Variants in NHSL2 observed in about 807,000 individuals in gnomAD.
The protein encoded by NHSL2 is NHS like 2, also known as NHS-like protein 2.
NHSL2 carries 27 observed loss-of-function variants against 53.4 expected under a neutral mutation model. The observed-to-expected ratio is 0.51, with a 90% CI of 0.37 to 0.70. The LOEUF (loss-of-function observed/expected upper bound fraction) is 0.70, where lower values mean the gene tolerates loss of function less well. Ranked by LOEUF, NHSL2 falls within the 30% of genes least tolerant of loss-of-function variation. The pLI, the probability that NHSL2 is intolerant of heterozygous loss-of-function variation, is 0.00. For missense variants in NHSL2, 892 were observed against 980.1 expected (o/e 0.91, Z 1.20); for synonymous variants, 408 against 404.1 (o/e 1.01, Z -0.12).
chrX:72,129,869 CCT>C (rs772050607), intron 1 of NHSL2: 68 of 1,201,243 alleles, frequency 5.7e-5, no homozygotes, highest in Admixed American at 1.6e-4. Flanking sequence ...CGGTGGCCCC[CCT>C]GTCTCGGAGT....
At chrX:72,063,052 C>T (rs9887033) in intron 1 of NHSL2, among the ~76,000 whole-genome samples, 6,238 of 111,970 alleles carry the variant, frequency 0.056, 446 homozygotes, top group African/African-American at 0.19. Context: ...CTTGTGTCTG[C>T]GTCTCTGCTT....
At chrX:71,949,517 G>A (rs1294541738) in intron 1 of NHSL2, among the ~76,000 whole-genome samples, 1 of 111,460 alleles carries the variant, frequency 9.0e-6, no homozygotes, top group Admixed American at 9.5e-5. Context: ...TTAGGGTCGG[G>A]GAGTGAGCCG....
Position 71,957,741 on chromosome X carries a change from C to A in NHSL2, c.280+46374C>A, listed in dbSNP as rs180827199. On this transcript the variant is annotated intron_variant, in intron 1 of 7. Coordinates refer to ENST00000633930, the MANE Select transcript of NHSL2 (RefSeq NM_001013627.3). ...CCAGGGTGTTTACTCCCTGAGTACTCAGGAAGTACCCAGAGTAGGTGCTCA... is the reference window on the plus strand; with the variant it reads ...CCAGGGTGTTTACTCCCTGAGTACTAAGGAAGTACCCAGAGTAGGTGCTCA... 3.6e-5 allele frequency among the ~76,000 whole-genome samples: 4 copies of A among 110,987 alleles called. No individual in the cohort carries two copies. In the East Asian group the frequency reaches 1.1e-3, roughly 31 times the overall value.
intron 1 of NHSL2, among the ~76,000 whole-genome samples, chrX:72,048,662 G>A (rs2042319144): frequency 9.1e-6 from 1 of 110,088 alleles, no homozygotes; most frequent in South Asian, 3.9e-4. Flanking sequence ...CAGGAGAAAT[G>A]TTGTCAATAT....
chrX:71,922,589 A>C (rs1247940215), intron 1 of NHSL2, among the ~76,000 whole-genome samples: 1 of 112,026 alleles, frequency 8.9e-6, no homozygotes, highest in Non-Finnish European at 1.9e-5. Context: ...AGGCGGGAGG[A>C]TCCCTTGAGC....
intron 1 of NHSL2, among the ~76,000 whole-genome samples, chrX:72,052,499 C>A (rs1335088200): frequency 8.9e-6 from 1 of 112,435 alleles, no homozygotes; most frequent in Non-Finnish European, 1.9e-5. Context: ...GCCTGGGAGG[C>A]CACATGATTT....
intron 1 of NHSL2, among the ~76,000 whole-genome samples, chrX:71,926,664 C>A (rs1240238130): frequency 9.0e-6 from 1 of 110,691 alleles, no homozygotes; most frequent in East Asian, 2.8e-4. Flanking sequence ...CTGGGCTTTA[C>A]CTCTGAGGCT....
At chrX:71,969,372 G>A (rs1261233160) in intron 1 of NHSL2, among the ~76,000 whole-genome samples, 1 of 101,820 alleles carries the variant, frequency 9.8e-6, no homozygotes, top group Non-Finnish European at 2.0e-5. Context: ...GAGTGCAATG[G>A]CGCAATCTTG....
At position 72,107,042 on chromosome X, in the gene NHSL2, A is replaced by G. The variant is rs201120165; in HGVS notation, c.281-25037A>G. Among the ~76,000 whole-genome samples, 14 of 110,927 alleles carry G rather than the reference A, an allele frequency of 1.3e-4. No homozygotes were observed. In the East Asian group the frequency reaches 4.0e-3, roughly 31 times the overall value. On this transcript the variant is annotated intron_variant, in intron 1 of 7. Transcript: ENST00000633930. ...ACGAGTTGATGGGTGCAGCAAACCAACATGGCACATGTGTACCTATGTAAC... is the reference window on the plus strand; with the variant it reads ...ACGAGTTGATGGGTGCAGCAAACCAGCATGGCACATGTGTACCTATGTAAC...
In NHSL2 at chrX:72,149,642, T is replaced by C. The variant is rs937500845; in HGVS notation, c.*6068T>C. 8.9e-6 allele frequency: 1 copy of C among 112,487 alleles called. No homozygotes were observed. The highest frequency in any genetic ancestry group is 3.2e-5 in the African/African-American group (1 of 30,943). 9.3% of individuals were successfully genotyped at this position (112,487 alleles called of 1,213,427 possible). A position where few individuals can be genotyped will look rare whatever the true frequency, so the allele number is the denominator to read the frequency against. On this transcript the variant is annotated 3_prime_UTR_variant, in exon 8 of 8. Transcript: ENST00000633930. Reference sequence around the variant, plus strand: ...CTGAGGTCTTCTGATGAATTGTAAATTACAAACCTTTTCATTCATTTTTAA... The same window carrying C: ...CTGAGGTCTTCTGATGAATTGTAAACTACAAACCTTTTCATTCATTTTTAA...
At position 72,093,717 on chromosome X, in the gene NHSL2, G is replaced by GCTTTCTTT. The variant is rs1491238848; in HGVS notation, c.281-38359_281-38358insTCTTTCTT. Among the ~76,000 whole-genome samples the GCTTTCTTT allele has an allele frequency of 7.3e-3, 570 of 78,571 alleles. 2 individuals are homozygous for GCTTTCTTT. The highest frequency in any genetic ancestry group is 0.012 in the African/African-American group (262 of 22,091). 68.2% of individuals were successfully genotyped at this position (78,571 alleles called of 115,157 possible). On this transcript the variant is annotated intron_variant, in intron 1 of 7. Transcript: ENST00000633930. ...TGTGAATATTCCCCTAGTATAGCTT[G>GCTTTCTTT]CTTGCTTTCTTTCTTTCTTTCTTTC...
chrX:72,021,060 TACACACAC>T lies in NHSL2; in HGVS notation c.280+109715_280+109722del, dbSNP rs68122154. Among the ~76,000 whole-genome samples the T allele has an allele frequency of 8.3e-3, 882 of 106,815 alleles. 9 individuals are homozygous for T. The highest frequency in any genetic ancestry group is 0.029 in the African/African-American group (832 of 28,761). The allele number at this position is 106,815 out of a possible 115,157, so 92.8% of individuals were successfully genotyped here. A position where few individuals can be genotyped will look rare whatever the true frequency, so the allele number is the denominator to read the frequency against. On this transcript the variant is annotated intron_variant, in intron 1 of 7. Coordinates refer to ENST00000633930, the MANE Select transcript of NHSL2 (RefSeq NM_001013627.3). ...GTGTACACACACACACGCGTGCGCATACACACACACACACACACACACACACACAAATA... is the reference window on the plus strand; with the variant it reads ...GTGTACACACACACACGCGTGCGCATACACACACACACACACACACAAATA...
intron 1 of NHSL2, among the ~76,000 whole-genome samples, chrX:71,941,922 C>T (rs2041767691): frequency 9.0e-6 from 1 of 111,544 alleles, no homozygotes; most frequent in Non-Finnish European, 1.9e-5. Context: ...AGCTGGGGAT[C>T]GAGCTGCTGG....
chrX:71,976,359 T>C (rs1471949491), intron 1 of NHSL2, among the ~76,000 whole-genome samples: 2 of 111,859 alleles, frequency 1.8e-5, no homozygotes, highest in African/African-American at 6.5e-5. Context: ...AGGCCTGTTG[T>C]GAGGACTTAG....
intron 1 of NHSL2, among the ~76,000 whole-genome samples, chrX:71,992,360 T>G (rs1334968942): frequency 9.1e-6 from 1 of 110,378 alleles, no homozygotes; most frequent in Non-Finnish European, 1.9e-5. Flanking sequence ...TCTGAGATAG[T>G]GGGTGGGGTG....
chrX:72,125,112 A>G lies in NHSL2; in HGVS notation c.281-6967A>G, dbSNP rs147473710. ...ATCTCCTGTCAATTCACATCCTCAG[A>G]TTTTCATTTTCACAAGCTTCTTCTA... On this transcript the variant is annotated intron_variant, in intron 1 of 7. Coordinates refer to ENST00000633930, the MANE Select transcript of NHSL2 (RefSeq NM_001013627.3). 5.1e-3 allele frequency among the ~76,000 whole-genome samples: 570 copies of G among 111,176 alleles called. 4 individuals are homozygous for G. Among genetic ancestry groups the G allele is most frequent in the African/African-American group, 0.018 (539 of 30,534 alleles).
rs5991888 is a variant in NHSL2 at position 72,048,683 on chromosome X, C to A, written c.281-83396C>A. ...AAATGTTGTCAATATTTCCTGTAGG[C>A]AACACCAGGGCGGGGCAGCAGCTTG... On this transcript the variant is annotated intron_variant, in intron 1 of 7. Transcript: ENST00000633930. Among the ~76,000 whole-genome samples the A allele has an allele frequency of 2.6e-3, 285 of 110,030 alleles. 2 individuals are homozygous for A. Among genetic ancestry groups the A allele is most frequent in the African/African-American group, 9.2e-3 (275 of 30,049 alleles).
intron 1 of NHSL2, among the ~76,000 whole-genome samples, chrX:71,940,078 C>T (rs2041758620): frequency 8.9e-6 from 1 of 111,870 alleles, no homozygotes; most frequent in Admixed American, 9.5e-5. Flanking sequence ...CCTGAGAACC[C>T]TCAACATTTG....
chrX:71,919,267 A>G (rs1378019345), intron 1 of NHSL2, among the ~76,000 whole-genome samples: 1 of 112,105 alleles, frequency 8.9e-6, no homozygotes, highest in Non-Finnish European at 1.9e-5. Flanking sequence ...AGCACCTACT[A>G]TCTGACTCTA....
Sources: gnomAD v4.1 joint callset for allele counts (sites outside exome capture counted in the v4.1 genomes callset) on GRCh38, gnomAD v4.1.1 for gene constraint, MANE v1.5 for transcripts, NCBI Gene and HGNC (gene_info 2026-07-23, HGNC 2026-07-21) for gene names.